The following BMP6 variants were observed in gnomAD, a reference collection of about 807,000 sequenced individuals.
BMP6 encodes bone morphogenetic protein 6.
A neutral mutation model predicts 54.1 loss-of-function variants in BMP6; 17 were observed. The observed-to-expected ratio is 0.31, with a 90% CI of 0.22 to 0.47. BMP6 has a LOEUF of 0.47. Among genes scored for constraint, BMP6 ranks in the 20% least tolerant of loss-of-function variants. BMP6 has a pLI of 1.00. For synonymous variants in BMP6, 328 were observed against 291.2 expected, an observed-to-expected ratio of 1.13 and a Z score of -1.28; for missense variants, 720 against 690.4, an observed-to-expected ratio of 1.04 and a Z score of -0.48.
rs753022935 is a variant in BMP6, at chr6:7,727,471, G to A, written c.516G>A (p.Arg172=). 1.1e-5 allele frequency: 17 copies of A among 1,595,526 alleles called. No individual in the cohort carries two copies. The highest frequency in any genetic ancestry group is 3.3e-4 in the Middle Eastern group (2 of 6,046). The change falls in exon 1 of 7, where the codon CGG becomes CGA. Residue 172 remains arginine, a synonymous_variant. Coordinates refer to ENST00000283147, the MANE Select transcript of BMP6 (RefSeq NM_001718.6). Reference sequence around the variant, plus strand: ...AAGCAGCCAGCTCGTCCCAGCGTCGGCAGCCGCCCCCGGGCGCCGCGCACC... The same window carrying A: ...AAGCAGCCAGCTCGTCCCAGCGTCGACAGCCGCCCCCGGGCGCCGCGCACC... ...PHEAASSSQR[R]QPPPGAAHPL...
chr6:7,781,739 A>G (rs1481359463), intron 1 of BMP6, among the ~76,000 whole-genome samples: 1 of 151,578 alleles, frequency 6.6e-6, no homozygotes, highest in Non-Finnish European at 1.5e-5. Context: ...TCCCTGAACG[A>G]GCAAAAGCCA....
chr6:7,817,046 C>T (rs923300449), intron 1 of BMP6, among the ~76,000 whole-genome samples: 1 of 152,164 alleles, frequency 6.6e-6, no homozygotes, highest in African/African-American at 2.4e-5. Flanking sequence ...ACGTCCTCAC[C>T]TTCTCATCAC....
At chr6:7,818,501 ATAT>A (rs1389112640) in intron 1 of BMP6, among the ~76,000 whole-genome samples, 2 of 152,238 alleles carry the variant, frequency 1.3e-5, no homozygotes, top group African/African-American at 2.4e-5. Context: ...TGACATCTTT[ATAT>A]AAGTTGCACA....
intron 2 of BMP6, among the ~76,000 whole-genome samples, chr6:7,849,158 A>G (rs1759108478): frequency 6.6e-6 from 1 of 152,182 alleles, no homozygotes; most frequent in Admixed American, 6.5e-5. Context: ...CCATGTCCTT[A>G]GGTTTGAAGC....
At chr6:7,754,942 T>C (rs185415037) in intron 1 of BMP6, among the ~76,000 whole-genome samples, 105 of 152,200 alleles carry the variant, frequency 6.9e-4, no homozygotes, top group African/African-American at 2.1e-3. Context: ...ATGATCTCCA[T>C]CTCATGACCT....
chr6:7,818,270 CTCG>C (rs1758559562), intron 1 of BMP6, among the ~76,000 whole-genome samples: 1 of 151,948 alleles, frequency 6.6e-6, no homozygotes, highest in South Asian at 2.1e-4. Context: ...GCGTGGCAAC[CTCG>C]TGTTTGTTTT....
intron 1 of BMP6, among the ~76,000 whole-genome samples, chr6:7,790,208 G>C (rs1369786521): frequency 6.6e-6 from 1 of 152,032 alleles, no homozygotes; most frequent in Non-Finnish European, 1.5e-5. Flanking sequence ...CGCTTATTTT[G>C]ATACTGGCTT....
intron 1 of BMP6, among the ~76,000 whole-genome samples, chr6:7,730,341 G>T (rs190244169): frequency 6.6e-6 from 1 of 152,274 alleles, no homozygotes; most frequent in East Asian, 1.9e-4. Context: ...ATTTTTAAGA[G>T]AACTCACCCA....
rs997205097 is a variant in BMP6 at position 7,810,505 on chromosome 6, A to C, written c.665-34635A>C. Among the ~76,000 whole-genome samples the C allele has an allele frequency of 6.6e-5, 10 of 152,108 alleles. No individual in the cohort carries two copies. In the South Asian group the frequency reaches 1.9e-3, roughly 28 times the overall value. ...GGTCTTCTGCGTGCATTAAACTCTT[A>C]CAGAGGTACTGACTTGGTTCCAGAC... is the stretch of plus-strand genomic sequence containing the variant. On this transcript the variant is annotated intron_variant, in intron 1 of 6. Coordinates refer to ENST00000283147, the MANE Select transcript of BMP6 (RefSeq NM_001718.6).
chr6:7,744,670 A>G (rs1216326523), intron 1 of BMP6, among the ~76,000 whole-genome samples: 1 of 152,208 alleles, frequency 6.6e-6, no homozygotes, highest in African/African-American at 2.4e-5. Flanking sequence ...GATACAGAAC[A>G]TTACTAGAAA....
chr6:7,781,634 C>T (rs530874998), intron 1 of BMP6, among the ~76,000 whole-genome samples: 17 of 151,554 alleles, frequency 1.1e-4, no homozygotes, highest in Admixed American at 2.0e-4. Context: ...ATTGAGTGTC[C>T]GGAACTATGC....
chr6:7,741,819 G>A (rs775709734), intron 1 of BMP6, among the ~76,000 whole-genome samples: 13 of 152,222 alleles, frequency 8.5e-5, no homozygotes, highest in Admixed American at 1.3e-4. Context: ...AAGTTCCAGC[G>A]TTGGCTCTGC....
intron 1 of BMP6, among the ~76,000 whole-genome samples, chr6:7,824,652 T>C (rs1192610408): frequency 6.6e-6 from 1 of 152,194 alleles, no homozygotes; most frequent in Non-Finnish European, 1.5e-5. Context: ...ATCTGATAAT[T>C]CCAAAAGGGT....
In BMP6 at chr6:7,775,116, G is replaced by A. The variant is rs138529035; in HGVS notation, c.664+47497G>A. 6.5e-4 allele frequency among the ~76,000 whole-genome samples: 99 copies of A among 152,270 alleles called. No homozygotes were observed. The Middle Eastern group carries it at 0.01, about 16-fold the overall frequency. ...GACCTAATCACCTCTTAAAGGTCCC[G>A]CCTCTCAACAGTGTTGCGTTGGGGA... On this transcript the variant is annotated intron_variant, in intron 1 of 6. Coordinates refer to ENST00000283147, the MANE Select transcript of BMP6 (RefSeq NM_001718.6).
intron 1 of BMP6, among the ~76,000 whole-genome samples, chr6:7,773,634 T>TAA (rs1323691486): frequency 6.6e-6 from 1 of 152,184 alleles, no homozygotes; most frequent in Non-Finnish European, 1.5e-5. Flanking sequence ...CCAAAAGTTT[T>TAA]AAAAGGAAAG....
intron 1 of BMP6, among the ~76,000 whole-genome samples, chr6:7,757,644 G>A (rs191482969): frequency 6.6e-6 from 1 of 152,184 alleles, no homozygotes; most frequent in Non-Finnish European, 1.5e-5. Flanking sequence ...TCCCAAAGTT[G>A]CTTTGATCCC....
intron 4 of BMP6, among the ~76,000 whole-genome samples, chr6:7,871,883 C>T (rs759068420): frequency 5.9e-5 from 9 of 152,094 alleles, no homozygotes; most frequent in Admixed American, 5.9e-4. Flanking sequence ...CTCAGTGGCT[C>T]TGACTCATGG....
At chr6:7,821,684 T>G (rs1481622920) in intron 1 of BMP6, among the ~76,000 whole-genome samples, 1 of 152,208 alleles carries the variant, frequency 6.6e-6, no homozygotes, top group Non-Finnish European at 1.5e-5. Flanking sequence ...TCTCCCAAAC[T>G]GCAGTGGGTA....
At chr6:7,777,637 A>G (rs1369265243) in intron 1 of BMP6, among the ~76,000 whole-genome samples, 1 of 152,076 alleles carries the variant, frequency 6.6e-6, no homozygotes, top group Non-Finnish European at 1.5e-5. Flanking sequence ...ATTAAAACAA[A>G]CACATAAACC....
Sources: gnomAD v4.1 joint callset for allele counts (sites outside exome capture counted in the v4.1 genomes callset) on GRCh38, gnomAD v4.1.1 for gene constraint, MANE v1.5 for transcripts, NCBI Gene and HGNC (gene_info 2026-07-23, HGNC 2026-07-21) for gene names.